Variants in ELOC observed in about 807,000 individuals in gnomAD.
The protein encoded by ELOC is elongin C, also known as elongin-C.
For missense variants in ELOC, 38 were observed against 139.0 expected, an observed-to-expected ratio of 0.27 and a Z score of 3.65; for synonymous variants, 40 against 51.3, an observed-to-expected ratio of 0.78 and a Z score of 0.94.
chr8:73,962,717 A>G (rs1233255033), intron 1 of ELOC, among the ~76,000 whole-genome samples: 1 of 152,220 alleles, frequency 6.6e-6, no homozygotes, highest in Admixed American at 6.5e-5. Context: ...GCAAAGTCAC[A>G]TCTTAGGAGC....
At chr8:73,952,440 T>C (rs902581415) in intron 3 of ELOC, among the ~76,000 whole-genome samples, 1 of 131,172 alleles carries the variant, frequency 7.6e-6, no homozygotes, top group African/African-American at 2.9e-5. Context: ...ATTTAAAAAA[T>C]AAATAAATAA....
intron 3 of ELOC, among the ~76,000 whole-genome samples, chr8:73,952,161 T>G (rs569993811): frequency 1.3e-5 from 2 of 152,060 alleles, no homozygotes; most frequent in African/African-American, 4.8e-5. Flanking sequence ...ATTAAAACTT[T>G]AGGAGGCCAA....
intron 3 of ELOC, among the ~76,000 whole-genome samples, chr8:73,947,602 C>T (rs1813464854): frequency 6.6e-6 from 1 of 151,882 alleles, no homozygotes. Flanking sequence ...GACATAGAGT[C>T]TTGATCTGTT....
At chr8:73,950,344 C>CA (rs913168173) in intron 3 of ELOC, among the ~76,000 whole-genome samples, 6 of 151,978 alleles carry the variant, frequency 3.9e-5, no homozygotes, top group African/African-American at 1.5e-4. Context: ...GACATTCACT[C>CA]AAAAACAAAA....
chr8:73,951,277 T>C (rs1813739060), intron 3 of ELOC, among the ~76,000 whole-genome samples: 1 of 151,910 alleles, frequency 6.6e-6, no homozygotes, highest in Non-Finnish European at 1.5e-5. Context: ...GGCAAAATGT[T>C]AATAACTATT....
chr8:73,969,557 T>C (rs566265480), intron 1 of ELOC: 2 of 152,342 alleles, frequency 1.3e-5, no homozygotes, highest in East Asian at 1.9e-4. Context: ...AGTTCACTCT[T>C]ACCTCAAGGT....
At chr8:73,969,403 T>G (rs1376649552) in intron 1 of ELOC, among the ~76,000 whole-genome samples, 2 of 152,198 alleles carry the variant, frequency 1.3e-5, no homozygotes, top group Non-Finnish European at 2.9e-5. Context: ...CACTTTCAAC[T>G]CCACACTTCT....
intron 3 of ELOC, among the ~76,000 whole-genome samples, chr8:73,950,089 C>T (rs1328883528): frequency 6.6e-6 from 1 of 152,022 alleles, no homozygotes; most frequent in Non-Finnish European, 1.5e-5. Flanking sequence ...CTACTAAAAA[C>T]AGGGATTTTT....
chr8:73,962,003 C>G (rs1011651617), intron 1 of ELOC, among the ~76,000 whole-genome samples: 2 of 151,944 alleles, frequency 1.3e-5, no homozygotes, highest in Non-Finnish European at 2.9e-5. Context: ...TCAAACGATT[C>G]TTGTGCCTCA....
At chr8:73,961,445 G>A (rs1474353116) in intron 1 of ELOC, among the ~76,000 whole-genome samples, 2 of 152,104 alleles carry the variant, frequency 1.3e-5, no homozygotes, top group African/African-American at 4.8e-5. Context: ...GACAGAGCAG[G>A]AGCAGAAATC....
intron 2 of ELOC, among the ~76,000 whole-genome samples, chr8:73,958,094 T>G (rs76723872): frequency 1.1e-5 from 1 of 91,052 alleles, no homozygotes; most frequent in South Asian, 3.4e-4. Flanking sequence ...TATTTATGGT[T>G]TTTTTTTTTT....
chr8:73,967,501 C>G (rs1433541500), intron 1 of ELOC, among the ~76,000 whole-genome samples: 1 of 141,974 alleles, frequency 7.0e-6, no homozygotes, highest in Non-Finnish European at 1.5e-5. Context: ...GAGTTTCGCT[C>G]TTGTTACCCA....
At chr8:73,969,023 CATTCCCT>C (rs1198943996) in intron 1 of ELOC, among the ~76,000 whole-genome samples, 1 of 152,212 alleles carries the variant, frequency 6.6e-6, no homozygotes, top group Non-Finnish European at 1.5e-5. Flanking sequence ...CTCCATTTAA[CATTCCCT>C]ATTTGATGTC....
chr8:73,970,076 G>GC (rs1815251007), intron 1 of ELOC, among the ~76,000 whole-genome samples: 1 of 152,082 alleles, frequency 6.6e-6, no homozygotes, highest in African/African-American at 2.4e-5. Context: ...GCCTACTTGA[G>GC]CCCCCAAAAC....
intron 3 of ELOC, among the ~76,000 whole-genome samples, chr8:73,952,145 T>C (rs915658111): frequency 6.6e-6 from 1 of 152,102 alleles, no homozygotes; most frequent in African/African-American, 2.4e-5. Flanking sequence ...TAAATCACAC[T>C]TCAAAATTAA....
At chr8:73,952,319 G>A (rs1813827124) in intron 3 of ELOC, among the ~76,000 whole-genome samples, 1 of 151,788 alleles carries the variant, frequency 6.6e-6, no homozygotes, top group African/African-American at 2.4e-5. Context: ...CAGGAGAATC[G>A]GTTGAGGGTG....
chr8:73,962,681 C>G (rs527468227), intron 1 of ELOC, among the ~76,000 whole-genome samples: 3 of 152,252 alleles, frequency 2.0e-5, no homozygotes, highest in Non-Finnish European at 4.4e-5. Context: ...GGATGTTTAT[C>G]TAACTAGCAG....
rs910546053 is a variant in ELOC, at chr8:73,945,356, T to G, written c.*1274A>C. ...CTGGTCTCAAACTCCTGGCCTCAAG[T>G]GATCTACCCGCCTCGTCCTCTGAAA... On this transcript the variant is annotated 3_prime_UTR_variant, in exon 4 of 4. Coordinates refer to ENST00000520242, the MANE Select transcript of ELOC (RefSeq NM_005648.4). 1.3e-5 allele frequency: 2 copies of G among 152,050 alleles called. No individual in the cohort carries two copies. Among genetic ancestry groups the G allele is most frequent in the African/African-American group, 4.8e-5 (2 of 41,380 alleles). 9.4% of individuals were successfully genotyped at this position (152,050 alleles called of 1,614,324 possible).
intron 1 of ELOC, among the ~76,000 whole-genome samples, 185 bp from the exon 2 acceptor site, chr8:73,960,003 TTG>T (rs1364323676): frequency 1.3e-5 from 2 of 152,296 alleles, no homozygotes; most frequent in East Asian, 3.9e-4. Context: ...CCAAAATGCT[TTG>T]TGAGCTTGAT....
Sources: allele counts gnomAD v4.1 joint callset (sites outside exome capture counted in the v4.1 genomes callset), GRCh38; gene constraint gnomAD v4.1.1; transcripts MANE v1.5; gene names NCBI Gene and HGNC (gene_info 2026-07-23, HGNC 2026-07-21).